Variants in RGS7 observed in about 807,000 individuals in gnomAD.
RGS7 encodes regulator of G-protein signaling 7.
RGS7 carries 27 observed loss-of-function variants against 81.1 expected under a neutral mutation model. The observed-to-expected ratio is 0.33, with a 90% CI of 0.25 to 0.46. The LOEUF (loss-of-function observed/expected upper bound fraction) is 0.46, where lower values mean the gene tolerates loss of function less well. Ranked by LOEUF, RGS7 falls within the 20% of genes least tolerant of loss-of-function variation. The pLI is 1.00. For missense variants in RGS7, 396 were observed against 607.4 expected (o/e 0.65, Z 3.66); for synonymous variants, 208 against 207.7 (o/e 1.00, Z -0.01).
intron 2 of RGS7, among the ~76,000 whole-genome samples, chr1:241,349,608 G>A (rs1237402757): frequency 6.6e-6 from 1 of 152,232 alleles, no homozygotes; most frequent in African/African-American, 2.4e-5. Flanking sequence ...CATGGCTGTG[G>A]GCAAATGGCA....
intron 3 of RGS7, among the ~76,000 whole-genome samples, chr1:241,097,449 C>T (rs532415812): frequency 2.5e-4 from 38 of 152,254 alleles, no homozygotes; most frequent in African/African-American, 5.5e-4. Context: ...AACCCCGACA[C>T]GGAGGCCGCT....
intron 2 of RGS7, among the ~76,000 whole-genome samples, chr1:241,183,159 A>G (rs1273991207): frequency 6.6e-6 from 1 of 152,156 alleles, no homozygotes; most frequent in Non-Finnish European, 1.5e-5. Context: ...TTGCTTGGAC[A>G]TACAAGTAGA....
intron 9 of RGS7, among the ~76,000 whole-genome samples, chr1:240,841,274 G>A (rs1020267083): frequency 2.0e-5 from 3 of 152,170 alleles, no homozygotes; most frequent in African/African-American, 7.2e-5. Context: ...TGAGAATAGA[G>A]CAGGCCTCTC....
At chr1:240,908,196 C>G (rs954234289) in intron 6 of RGS7, among the ~76,000 whole-genome samples, 4 of 82,586 alleles carry the variant, frequency 4.8e-5, no homozygotes, top group Non-Finnish European at 6.8e-5. Flanking sequence ...CGGGGCCTGT[C>G]GTGGGGTGGG....
At chr1:240,993,859 TTG>T (rs1244445307) in intron 3 of RGS7, among the ~76,000 whole-genome samples, 5 of 152,218 alleles carry the variant, frequency 3.3e-5, no homozygotes, top group African/African-American at 1.2e-4. Context: ...TTTGTATAAG[TTG>T]TGAGACTTAG....
At chr1:241,175,844 C>T (rs535273650) in intron 2 of RGS7, among the ~76,000 whole-genome samples, 2 of 152,118 alleles carry the variant, frequency 1.3e-5, no homozygotes, top group East Asian at 1.9e-4. Context: ...CACATCAAGA[C>T]GGAATGTATG....
chr1:241,164,426 C>T lies in RGS7; in HGVS notation c.79-65664G>A, dbSNP rs2070007944. 2.0e-5 allele frequency among the ~76,000 whole-genome samples: 3 copies of T among 152,066 alleles called. No homozygotes were observed. The highest frequency in any genetic ancestry group is 6.5e-5 in the Admixed American group (1 of 15,270). ...TCCAATCATGCATTGGTCTTTTCAG[C>T]GTCCGGTCCCCATCCTGAAGCCACC... is the stretch of plus-strand genomic sequence containing the variant. On this transcript the variant is annotated intron_variant, in intron 2 of 18. Transcript: ENST00000440928. The surrounding 1 kb of genome is among the most constrained non-coding windows in gnomAD (Gnocchi z 4.1).
intron 2 of RGS7, among the ~76,000 whole-genome samples, chr1:241,250,714 C>T (rs1160059701): frequency 6.6e-6 from 1 of 152,176 alleles, no homozygotes; most frequent in Admixed American, 6.5e-5. Context: ...AGTGTTTGCA[C>T]ACCTGTCAAT....
At chr1:241,225,484 G>A (rs903318020) in intron 2 of RGS7, among the ~76,000 whole-genome samples, 3 of 152,146 alleles carry the variant, frequency 2.0e-5, no homozygotes, top group African/African-American at 4.8e-5. Flanking sequence ...GGGTAGAGAG[G>A]ACGCTTCTCA....
chr1:241,037,177 T>C (rs2060371082), intron 3 of RGS7, among the ~76,000 whole-genome samples: 1 of 152,222 alleles, frequency 6.6e-6, no homozygotes, highest in South Asian at 2.1e-4. Context: ...TTAGTCGTTA[T>C]GGAGTACACG....
chr1:240,982,245 C>A (rs569818590), intron 4 of RGS7, among the ~76,000 whole-genome samples: 24 of 151,862 alleles, frequency 1.6e-4, no homozygotes, highest in African/African-American at 5.8e-4. Context: ...CATGGTGAAA[C>A]CCCGACTCTA....
At chr1:241,225,118 C>T (rs1158684803) in intron 2 of RGS7, among the ~76,000 whole-genome samples, 1 of 152,004 alleles carries the variant, frequency 6.6e-6, no homozygotes, top group Non-Finnish European at 1.5e-5. Context: ...GACATTGTAT[C>T]CGTTAAGTAA....
At chr1:240,985,033 C>T (rs1685445650) in intron 3 of RGS7, among the ~76,000 whole-genome samples, 1 of 152,136 alleles carries the variant, frequency 6.6e-6, no homozygotes, top group Non-Finnish European at 1.5e-5. Flanking sequence ...TAAAACAGCT[C>T]TAAGGGTCAA....
rs189277233 is a variant in RGS7 at position 241,347,456 on chromosome 1, T to C, written c.78+8243A>G. Among the ~76,000 whole-genome samples, 929 of 152,290 alleles carry C rather than the reference T, an allele frequency of 6.1e-3. 3 individuals are homozygous for C. The highest frequency in any genetic ancestry group is 9.3e-3 in the Non-Finnish European group (630 of 68,018). On this transcript the variant is annotated intron_variant, in intron 2 of 18. Coordinates refer to ENST00000440928, the MANE Select transcript of RGS7 (RefSeq NM_001364886.1). ...AGAGACTTAGACAAGAGAAGAGAGA[T>C]TATAAAAAATAGATTCCTTTTATAC...
intron 2 of RGS7, among the ~76,000 whole-genome samples, chr1:241,232,991 T>A (rs2075750393): frequency 6.6e-6 from 1 of 152,180 alleles, no homozygotes; most frequent in South Asian, 2.1e-4. Context: ...AAAAAAAATC[T>A]TATAATCTTT....
chr1:240,998,645 G>C, intron 3 of RGS7: 2 of 1,054,100 alleles, frequency 1.9e-6, no homozygotes. Context: ...ACTTTGGCCA[G>C]GCCTTTGCAA....
chr1:241,284,402 G>C (rs188774264), intron 2 of RGS7, among the ~76,000 whole-genome samples: 67 of 151,928 alleles, frequency 4.4e-4, no homozygotes, highest in African/African-American at 1.6e-3. Context: ...TGTTTGGCAG[G>C]GGGGGTTGTT....
intron 3 of RGS7, among the ~76,000 whole-genome samples, chr1:241,030,393 C>G (rs527351489): frequency 1.0e-5 from 1 of 97,748 alleles, no homozygotes; most frequent in South Asian, 3.2e-4. Flanking sequence ...CATACATACA[C>G]ACACACACTA....
chr1:240,855,997 A>G (rs1290620218), intron 9 of RGS7, among the ~76,000 whole-genome samples: 1 of 152,180 alleles, frequency 6.6e-6, no homozygotes, highest in Non-Finnish European at 1.5e-5. Context: ...TCTTTTATAC[A>G]TGGTCAGTTT....
Sources: allele counts gnomAD v4.1 joint callset (sites outside exome capture counted in the v4.1 genomes callset), GRCh38; gene constraint gnomAD v4.1.1; non-coding constraint Gnocchi (gnomAD v3.1); transcripts MANE v1.5; gene names NCBI Gene and HGNC (gene_info 2026-07-23, HGNC 2026-07-21).